RTTN: variants seen among roughly 807,000 people sequenced by gnomAD.
RTTN encodes the protein rotatin.
Under a neutral mutation model 269.2 loss-of-function variants are expected in RTTN, and 182 were observed. The observed-to-expected ratio is 0.68, with a 90% CI of 0.60 to 0.76. The LOEUF is 0.76. Ranked by LOEUF, RTTN falls within the 30% of genes least tolerant of loss-of-function variation. The pLI, the probability that RTTN is intolerant of heterozygous loss-of-function variation, is 0.00. For synonymous variants in RTTN, 1,006 were observed against 963.5 expected (o/e 1.04, Z -0.82); for missense variants, 2,545 against 2,608.6 (o/e 0.98, Z 0.53).
intron 32 of RTTN, among the ~76,000 whole-genome samples, chr18:70,085,790 A>G (rs1301837709): frequency 6.6e-6 from 1 of 152,160 alleles, no homozygotes; most frequent in Non-Finnish European, 1.5e-5. Flanking sequence ...ACATGGACAT[A>G]AAGACAGACA....
At chr18:70,062,103 C>T (rs1162497167) in intron 35 of RTTN, among the ~76,000 whole-genome samples, 1 of 152,090 alleles carries the variant, frequency 6.6e-6, no homozygotes, top group Non-Finnish European at 1.5e-5. Context: ...GTTCATTTTG[C>T]CAATAGTCTG....
At chr18:70,121,813 G>GA (rs1479173678) in intron 25 of RTTN, 113 bp from the exon 26 acceptor site, 41 of 1,018,640 alleles carry the variant, frequency 4.0e-5, no homozygotes, top group Non-Finnish European at 5.5e-5. Context: ...TATTTTATGA[G>GA]ACACTGTTTT....
intron 40 of RTTN, 33 bp downstream of exon 40, chr18:70,047,938 A>G (rs771358258): frequency 3.9e-6 from 6 of 1,544,572 alleles, no homozygotes; most frequent in Non-Finnish European, 1.8e-6. Flanking sequence ...TAAACGCTAA[A>G]TAAAGTTTTT....
At chr18:70,172,101 G>C (rs1599894063) in intron 11 of RTTN, among the ~76,000 whole-genome samples, 1 of 152,096 alleles carries the variant, frequency 6.6e-6, no homozygotes, top group Non-Finnish European at 1.5e-5. Flanking sequence ...TTACTTCCCA[G>C]ATGTTTCCCC....
chr18:70,145,537 G>A lies in RTTN; in HGVS notation c.2481+75C>T, dbSNP rs11662011. Reference sequence around the variant, plus strand: ...CTCCCCAGGACATACACAAACTGAAGAATGTCACATAAAATACATGATATA... The same window carrying A: ...CTCCCCAGGACATACACAAACTGAAAAATGTCACATAAAATACATGATATA... On this transcript the variant is annotated intron_variant, in intron 18 of 48. Transcript: ENST00000640769. The A allele has an allele frequency of 0.88, 1,022,832 of 1,161,090 alleles. 464,991 individuals carry two copies. Among genetic ancestry groups the A allele is most frequent in the East Asian group, 1 (39,011 of 39,054 alleles). 71.9% of individuals were successfully genotyped at this position (1,161,090 alleles called of 1,614,324 possible).
intron 43 of RTTN, among the ~76,000 whole-genome samples, chr18:70,027,285 A>C (rs1041096775): frequency 6.6e-5 from 10 of 152,218 alleles, no homozygotes; most frequent in African/African-American, 2.4e-4. Context: ...AATAGTGGCC[A>C]ACTATTAATA....
At chr18:70,007,830 C>A (rs1335439053) in intron 46 of RTTN, 1 of 152,438 alleles carries the variant, frequency 6.6e-6, no homozygotes, top group African/African-American at 2.4e-5. Flanking sequence ...GTGGGTGCAG[C>A]TTCAGCAGAC....
At chr18:70,115,080 A>G (rs1337786838) in intron 26 of RTTN, among the ~76,000 whole-genome samples, 2 of 152,102 alleles carry the variant, frequency 1.3e-5, no homozygotes, top group Admixed American at 6.6e-5. Context: ...ACTCCTGGAT[A>G]ATCAATGATG....
At chr18:70,059,477 G>T (rs1304871960) in intron 36 of RTTN, among the ~76,000 whole-genome samples, 1 of 151,834 alleles carries the variant, frequency 6.6e-6, no homozygotes, top group Non-Finnish European at 1.5e-5. Flanking sequence ...TCAACCCAGG[G>T]ACATTATTCT....
intron 40 of RTTN, among the ~76,000 whole-genome samples, chr18:70,046,034 T>G (rs953850240): frequency 1.3e-5 from 2 of 151,970 alleles, no homozygotes; most frequent in African/African-American, 4.8e-5. Flanking sequence ...GCAAGGTAAA[T>G]TTCACAAATT....
In RTTN at chr18:70,092,376, ATT is replaced by A. The variant is rs139499965; in HGVS notation, c.4033-158_4033-157del. Among the ~76,000 whole-genome samples the A allele has an allele frequency of 7.0e-3, 1,067 of 152,352 alleles. 9 individuals carry two copies. The highest frequency in any genetic ancestry group is 0.024 in the African/African-American group (1,003 of 41,586). On this transcript the variant is annotated intron_variant, in intron 29 of 48. Transcript: ENST00000640769. ...TCAGCCAAAAAAGGCAAACAAAAAAATTTGTTTCTCTTTAAAAAGTTAAACAT... is the reference window on the plus strand; with the variant it reads ...TCAGCCAAAAAAGGCAAACAAAAAAATGTTTCTCTTTAAAAAGTTAAACAT...
chr18:70,160,616 AG>A (rs1229133021), intron 14 of RTTN, among the ~76,000 whole-genome samples: 1 of 150,136 alleles, frequency 6.7e-6, no homozygotes, highest in Non-Finnish European at 1.5e-5. Context: ...AAATAGGAAG[AG>A]GAAGTTAAAC....
chr18:70,083,705 A>G (rs1308065655), intron 32 of RTTN, among the ~76,000 whole-genome samples: 1 of 152,202 alleles, frequency 6.6e-6, no homozygotes, highest in Admixed American at 6.5e-5. Flanking sequence ...AAATTGTAAC[A>G]TGATAGTAAA....
At chr18:70,123,074 G>C (rs1005039460) in intron 25 of RTTN, among the ~76,000 whole-genome samples, 10 of 152,042 alleles carry the variant, frequency 6.6e-5, no homozygotes, top group African/African-American at 2.2e-4. Flanking sequence ...TGTTGAATAT[G>C]GCATTTTAGT....
intron 38 of RTTN, among the ~76,000 whole-genome samples, chr18:70,052,158 G>A (rs2057688659): frequency 6.6e-6 from 1 of 152,158 alleles, no homozygotes; most frequent in African/African-American, 2.4e-5. Flanking sequence ...GGAAGCTGGA[G>A]AGCAGTCGCT....
In RTTN at chr18:70,133,407, T is replaced by C. The variant is rs1007402973; in HGVS notation, c.2954+1066A>G. Among the ~76,000 whole-genome samples the C allele has an allele frequency of 3.3e-5, 5 of 152,162 alleles. 1 individual carries two copies. In the South Asian group the frequency reaches 1.0e-3, roughly 31 times the overall value. On this transcript the variant is annotated intron_variant, in intron 23 of 48. Coordinates refer to ENST00000640769, the MANE Select transcript of RTTN (RefSeq NM_173630.4). ...ACTAAAGCTAAACATAAATATCCTA[T>C]ATTCCAACAATGACACGTGTTCAAG...
At chr18:70,149,282 T>C (rs778424083) in intron 16 of RTTN, among the ~76,000 whole-genome samples, 1 of 152,110 alleles carries the variant, frequency 6.6e-6, no homozygotes, top group African/African-American at 2.4e-5. Context: ...TGACACTTGC[T>C]GATTTTTCTA....
intron 14 of RTTN, among the ~76,000 whole-genome samples, chr18:70,163,069 TAAAAAAAAAAAAAAAAA>T (rs10559303): frequency 1.8e-5 from 1 of 56,968 alleles, no homozygotes; most frequent in East Asian, 6.5e-4. Flanking sequence ...TTACTATTAT[TAAAAAAAAAAAAAAAAA>T]AAAAAAAAAA....
At chr18:70,146,116 T>C (rs1397215869) in intron 17 of RTTN, among the ~76,000 whole-genome samples, 2 of 152,160 alleles carry the variant, frequency 1.3e-5, no homozygotes, top group Admixed American at 6.6e-5. Context: ...TAGTGAACTA[T>C]TCTCCACCAT....
Sources: allele counts gnomAD v4.1 joint callset (sites outside exome capture counted in the v4.1 genomes callset), GRCh38; gene constraint gnomAD v4.1.1; transcripts MANE v1.5; gene names NCBI Gene and HGNC (gene_info 2026-07-23, HGNC 2026-07-21).